The following RAB3IP variants were observed in gnomAD, a reference collection of about 807,000 sequenced individuals.
RAB3IP encodes RAB3A interacting protein.
A neutral mutation model predicts 59.1 loss-of-function variants in RAB3IP; 36 were observed. The observed-to-expected ratio is 0.61, with a 90% CI of 0.47 to 0.80. The LOEUF (loss-of-function observed/expected upper bound fraction) is 0.80. Among genes scored for constraint, RAB3IP ranks in the 30% least tolerant of loss-of-function variants. The pLI, the probability that RAB3IP is intolerant of heterozygous loss-of-function variation, is 0.00. For synonymous variants in RAB3IP, 207 were observed against 191.2 expected, an observed-to-expected ratio of 1.08 and a Z score of -0.68; for missense variants, 511 against 536.0, an observed-to-expected ratio of 0.95 and a Z score of 0.46.
Position 69,784,809 on chromosome 12 carries a change from A to C in RAB3IP, c.600A>C (p.Leu200=), listed in dbSNP as rs374977376. The C allele has an allele frequency of 4.4e-6, 7 of 1,597,842 alleles. No individual in the cohort carries two copies. Among genetic ancestry groups the C allele is most frequent in the Non-Finnish European group, 6.0e-6 (7 of 1,168,548 alleles). ...GQELEELTAS[L]FEEAHKMVRE... ...AATTGGAAGAACTCACAGCTAGTCT[A>C]TTTGAGGTTGGTCTATTTACATCTT... is the stretch of plus-strand genomic sequence containing the variant. Residue 200 remains leucine (L), a synonymous_variant, in exon 4 of 11, where the codon CTA becomes CTC. Transcript: ENST00000247833.
At chr12:69,757,233 C>T (rs977008885) in intron 3 of RAB3IP, among the ~76,000 whole-genome samples, 25 of 152,014 alleles carry the variant, frequency 1.6e-4, no homozygotes, top group African/African-American at 6.0e-4. Flanking sequence ...GAAATGCATA[C>T]ATCAGAAAAC....
At chr12:69,786,754 C>A (rs933817207) in intron 4 of RAB3IP, among the ~76,000 whole-genome samples, 1 of 151,896 alleles carries the variant, frequency 6.6e-6, no homozygotes, top group Non-Finnish European at 1.5e-5. Context: ...AGAAACTTCT[C>A]CCTGTAAGTA....
intron 4 of RAB3IP, among the ~76,000 whole-genome samples, chr12:69,786,514 C>T (rs1457042721): frequency 6.6e-6 from 1 of 152,072 alleles, no homozygotes; most frequent in Non-Finnish European, 1.5e-5. Context: ...TGTTACATTT[C>T]TGAATAGAAG....
chr12:69,767,413 T>C (rs1372631936), intron 3 of RAB3IP, among the ~76,000 whole-genome samples: 1 of 152,218 alleles, frequency 6.6e-6, no homozygotes, highest in African/African-American at 2.4e-5. Flanking sequence ...AGCTCCCTGC[T>C]CAGCTCCAGG....
intron 8 of RAB3IP, among the ~76,000 whole-genome samples, chr12:69,807,701 C>T (rs1368047693): frequency 8.8e-5 from 13 of 146,934 alleles, no homozygotes; most frequent in Non-Finnish European, 1.2e-4. Flanking sequence ...CGGGCAGAGG[C>T]GCTCCTCACT....
At chr12:69,764,873 A>G (rs1295011878) in intron 3 of RAB3IP, among the ~76,000 whole-genome samples, 1 of 152,058 alleles carries the variant, frequency 6.6e-6, no homozygotes, top group Non-Finnish European at 1.5e-5. Flanking sequence ...GGTTGGATGT[A>G]TTCCTAGGTA....
chr12:69,781,199 A>G (rs1181573861), intron 3 of RAB3IP, among the ~76,000 whole-genome samples: 1 of 151,960 alleles, frequency 6.6e-6, no homozygotes, highest in East Asian at 1.9e-4. Flanking sequence ...TTTTATCTCC[A>G]TTTTTAAAAA....
chr12:69,784,350 ATAAT>A (rs1378401550), intron 3 of RAB3IP, among the ~76,000 whole-genome samples: 2 of 151,852 alleles, frequency 1.3e-5, no homozygotes, highest in Non-Finnish European at 1.5e-5. Flanking sequence ...TGAAATATGC[ATAAT>A]TAAATTCCTT....
chr12:69,739,759 C>A, intron 1 of RAB3IP: 1 of 1,495,190 alleles, frequency 6.7e-7, no homozygotes, highest in South Asian at 1.1e-5. Flanking sequence ...GACAACTCGC[C>A]CCGACCGCCC....
intron 1 of RAB3IP, among the ~76,000 whole-genome samples, chr12:69,741,136 TGTG>T (rs2136089732): frequency 6.6e-6 from 1 of 152,320 alleles, no homozygotes; most frequent in African/African-American, 2.4e-5. Context: ...CCATTAGAGA[TGTG>T]GGGAAGGGGA....
At chr12:69,740,179 A>G (rs539820847) in intron 1 of RAB3IP, among the ~76,000 whole-genome samples, 11 of 152,076 alleles carry the variant, frequency 7.2e-5, no homozygotes, top group African/African-American at 1.7e-4. Context: ...TTTTTCTTCC[A>G]GTGCTGAATG....
In RAB3IP at chr12:69,759,752, C is replaced by T. The variant is rs1333023816; in HGVS notation, c.510+3089C>T. 5.3e-3 allele frequency among the ~76,000 whole-genome samples: 804 copies of T among 151,006 alleles called. 1 individual carries two copies. The highest frequency in any genetic ancestry group is 8.3e-3 in the Non-Finnish European group (564 of 67,626). ...GCGGCTGCCGGGCGGGGGCTGACCC[C>T]CCACCTCCCTCCCGGATGGGGCGGC... is the stretch of plus-strand genomic sequence containing the variant. On this transcript the variant is annotated intron_variant, in intron 3 of 10. Transcript: ENST00000247833.
intron 6 of RAB3IP, 22 bp downstream of exon 6, chr12:69,795,366 CCTCTGA>C (rs753079069): frequency 6.3e-7 from 1 of 1,580,810 alleles, no homozygotes; most frequent in East Asian, 2.3e-5. Flanking sequence ...AGGACTGTCC[CCTCTGA>C]CTCTGTTGAT....
intron 3 of RAB3IP, among the ~76,000 whole-genome samples, chr12:69,758,756 C>CTTTTTTTTTTTTT (rs71437121): frequency 2.1e-5 from 1 of 48,206 alleles, no homozygotes; most frequent in African/African-American, 7.8e-5. Flanking sequence ...GTGTTCATTC[C>CTTTTTTTTTTTTT]TTTTTTTTTT....
chr12:69,742,146 G>A (rs1887409149), intron 1 of RAB3IP, among the ~76,000 whole-genome samples: 1 of 152,212 alleles, frequency 6.6e-6, no homozygotes, highest in African/African-American at 2.4e-5. Context: ...TTGAGTAGTG[G>A]AGAGGAAGGA....
intron 3 of RAB3IP, among the ~76,000 whole-genome samples, chr12:69,783,694 A>G (rs1028337043): frequency 6.6e-6 from 1 of 152,186 alleles, no homozygotes; most frequent in Non-Finnish European, 1.5e-5. Flanking sequence ...TTCTCCAAAG[A>G]TAGAGTCCTG....
intron 3 of RAB3IP, among the ~76,000 whole-genome samples, chr12:69,773,429 A>C (rs1338609157): frequency 6.3e-5 from 2 of 31,952 alleles, no homozygotes; most frequent in African/African-American, 1.1e-4. Flanking sequence ...TTTTTATTAT[A>C]CTCTAAGTTT....
intron 3 of RAB3IP, among the ~76,000 whole-genome samples, chr12:69,771,006 A>G (rs953930028): frequency 9.3e-5 from 14 of 151,164 alleles, no homozygotes; most frequent in African/African-American, 3.2e-4. Context: ...TCCTCATTCT[A>G]CTCCTCCCTA....
intron 3 of RAB3IP, 78 bp downstream of exon 3, chr12:69,756,741 G>A (rs1870298769): frequency 4.3e-6 from 5 of 1,158,802 alleles, no homozygotes. Flanking sequence ...GCAACCTGCA[G>A]AAATGAAATC....
Sources: allele counts gnomAD v4.1 joint callset (sites outside exome capture counted in the v4.1 genomes callset), GRCh38; gene constraint gnomAD v4.1.1; transcripts MANE v1.5; gene names NCBI Gene and HGNC (gene_info 2026-07-23, HGNC 2026-07-21).